Variants in DACT2 observed in about 807,000 individuals in gnomAD.
DACT2 encodes dishevelled binding antagonist of beta catenin 2, also known as dapper homolog 2.
Under a neutral mutation model 22.2 loss-of-function variants are expected in DACT2, and 20 were observed. The observed-to-expected ratio is 0.90, with a 90% CI of 0.63 to 1.31. The LOEUF is 1.31. Ranked by LOEUF, DACT2 falls within the 50% of genes most tolerant of loss-of-function variation. The pLI is 0.00. For missense variants in DACT2, 1,048 were observed against 1,061.4 expected, an observed-to-expected ratio of 0.99 and a Z score of 0.18; for synonymous variants, 463 against 479.8, an observed-to-expected ratio of 0.96 and a Z score of 0.46.
chr6:168,312,097 CA>C (rs1026400911), intron 1 of DACT2, among the ~76,000 whole-genome samples: 95 of 152,340 alleles, frequency 6.2e-4, no homozygotes, highest in African/African-American at 2.2e-3. Context: ...TGAACTGTTA[CA>C]GGCTTCGGCA....
intron 1 of DACT2, among the ~76,000 whole-genome samples, chr6:168,312,972 G>GCAGACCTCCTCCTCCAGGAC (rs1407163253): frequency 1.3e-5 from 2 of 152,234 alleles, no homozygotes; most frequent in Admixed American, 1.3e-4. Flanking sequence ...TGTGCCAGGA[G>GCAGACCTCCTCCTCCAGGAC]CAGACCTCCT....
At chr6:168,294,685 A>T in exon 4 of DACT2, 1 of 1,499,128 alleles carries the variant, frequency 6.7e-7, no homozygotes, top group South Asian at 1.3e-5. Context: ...TGTCAAGTTC[A>T]CCTGGAGCAT....
chr6:168,311,528 ACACACACCCATC>A (rs1280746334), intron 1 of DACT2, among the ~76,000 whole-genome samples: 9 of 150,910 alleles, frequency 6.0e-5, no homozygotes, highest in Non-Finnish European at 1.2e-4. Context: ...ACAAACACAC[ACACACACCCATC>A]CACACACACA....
intron 3 of DACT2, among the ~76,000 whole-genome samples, chr6:168,309,608 T>C (rs1013434369): frequency 2.0e-5 from 3 of 152,178 alleles, no homozygotes; most frequent in African/African-American, 7.2e-5. Context: ...CCCGCAGCAG[T>C]GGGATGGAGC....
At position 168,309,077 on chromosome 6, in the gene DACT2, G is replaced by C. The variant is rs1348621267; in HGVS notation, c.680C>G (p.Pro227Arg). The C allele has an allele frequency of 1.3e-6, 2 of 1,533,202 alleles. No individual in the cohort carries two copies. The highest frequency in any genetic ancestry group is 1.8e-6 in the Non-Finnish European group (2 of 1,142,588). 95.0% of individuals were successfully genotyped at this position (1,533,202 alleles called of 1,614,324 possible). The change falls in exon 4 of 4, where the codon CCG (proline) becomes CGG (arginine). Residue 227 changes from proline (P) to arginine (R), a missense_variant. By Grantham distance (103) the Pro-to-Arg change is moderately radical (BLOSUM62 -2). Transcript: ENST00000366795. ...VSTGDLDRAL[P>R]ADTGLQKASA... is the part of the protein sequence containing the mutation. ...GGCTTTCTGGAGCCCCGTGTCCGCC[G>C]GCAGGGCTCTGTCAAGATCACCTGG...
At chr6:168,306,498 A>G (rs1336408412), downstream of DACT2, among the ~76,000 whole-genome samples, 2 of 151,082 alleles carry the variant, frequency 1.3e-5, no homozygotes, top group African/African-American at 4.9e-5. Flanking sequence ...GCTGGAGTGC[A>G]GTGGCGCAAT....
In DACT2 at chr6:168,307,742, G is replaced by A. The variant is rs767318896; in HGVS notation, c.2015C>T (p.Pro672Leu). 49 of 1,548,660 alleles carry A rather than the reference G, an allele frequency of 3.2e-5. No individual in the cohort carries two copies. The South Asian group carries it at 3.8e-4, about 12-fold the overall frequency. Residue 672 changes from proline (P) to leucine (L), a missense_variant, in exon 4 of 4, where the codon CCG becomes CTG. By Grantham distance (98) the Pro-to-Leu change is moderately conservative (BLOSUM62 -3). Transcript: ENST00000366795. This position sits in a 1 kb window ranked among gnomAD's most constrained non-coding sequence, Gnocchi z 5.3. ...EPSKHSAECD[P>L]RFPSVIPETS... is the part of the protein sequence containing the mutation. ...CTCCGGGATGACTGACGGGAACCGC[G>A]GGTCACACTCGGCCGAGTGCTTGGA...
Position 168,308,185 on chromosome 6 carries a change from G to A in DACT2, c.1572C>T (p.Ala524=). ...PLLLLDRPEG[A]HAAPQPSLEW... is the part of the protein sequence containing the mutation. ...CCAGGGATGGCTGGGGGGCTGCATG[G>A]GCTCCCTCAGGCCTGTCCAGTAGAA... The change falls in exon 4 of 4, where the codon GCC becomes GCT. Residue 524 remains alanine, a synonymous_variant. Coordinates refer to ENST00000366795, the MANE Select transcript of DACT2 (RefSeq NM_214462.5). 1.3e-6 allele frequency: 2 copies of A among 1,551,426 alleles called. No individual in the cohort carries two copies. The highest frequency in any genetic ancestry group is 1.7e-6 in the Non-Finnish European group (2 of 1,147,026).
downstream of DACT2, among the ~76,000 whole-genome samples, chr6:168,304,557 G>A (rs967039): frequency 0.098 from 14,905 of 152,280 alleles, 901 homozygotes; most frequent in East Asian, 0.15. Context: ...TCCTGGTGGT[G>A]CCTGGGCGAT....
chr6:168,319,025 C>T (rs925312115), intron 1 of DACT2, among the ~76,000 whole-genome samples: 1 of 152,252 alleles, frequency 6.6e-6, no homozygotes, highest in East Asian at 1.9e-4. Context: ...GCCAGGGGAA[C>T]GCCGGTCAGT....
downstream of DACT2, among the ~76,000 whole-genome samples, chr6:168,304,578 G>C (rs752316630): frequency 1.3e-5 from 2 of 152,232 alleles, no homozygotes; most frequent in Non-Finnish European, 2.9e-5. Context: ...GTTTGCAGAT[G>C]GGTCAGGGAG....
intron 1 of DACT2, among the ~76,000 whole-genome samples, chr6:168,319,149 G>A (rs553038066): frequency 6.6e-6 from 1 of 152,180 alleles, no homozygotes; most frequent in African/African-American, 2.4e-5. Flanking sequence ...GGCGGAGCGC[G>A]GGCTGCAGCC....
intron 1 of DACT2, among the ~76,000 whole-genome samples, chr6:168,315,181 G>A (rs1221273754): frequency 6.6e-6 from 1 of 152,166 alleles, no homozygotes; most frequent in Admixed American, 6.5e-5. Flanking sequence ...GTCAAGACGG[G>A]GAAATTCTTC....
Position 168,308,381 on chromosome 6 carries a change from T to C in DACT2, c.1376A>G (p.Asn459Ser). 1 of 1,551,860 alleles carries C rather than the reference T, an allele frequency of 6.4e-7. No homozygotes were observed. The highest frequency in any genetic ancestry group is 2.0e-5 in the Admixed American group (1 of 51,012). Reference sequence around the variant, plus strand: ...CAGCATCCTGGATGGGGATATGATGTTGCCTCGTCCATAGTCCTGAGCTGA... The same window carrying C: ...CAGCATCCTGGATGGGGATATGATGCTGCCTCGTCCATAGTCCTGAGCTGA... ...TPSAQDYGRG[N>S]IISPSRMLDK... The change falls in exon 4 of 4, where the codon AAC becomes AGC. Residue 459 changes from asparagine (N) to serine (S), a missense_variant. Asn to Ser is a conservative substitution (Grantham distance 46, BLOSUM62 1). Coordinates refer to ENST00000366795, the MANE Select transcript of DACT2 (RefSeq NM_214462.5).
chr6:168,310,093 T>G lies in DACT2; in HGVS notation c.658+75A>C, dbSNP rs568879088. 357 of 1,519,240 alleles carry G rather than the reference T, an allele frequency of 2.3e-4. 1 individual carries two copies. The African/African-American group carries it at 3.6e-3, about 15-fold the overall frequency. 94.1% of individuals were successfully genotyped at this position (1,519,240 alleles called of 1,614,324 possible). ...CCGTGTAGGGTCCCCGGCTCTGCCCTCAGCAGCTGGGGACTGCACTCTGCC... is the reference window on the plus strand; with the variant it reads ...CCGTGTAGGGTCCCCGGCTCTGCCCGCAGCAGCTGGGGACTGCACTCTGCC... On this transcript the variant is annotated intron_variant, in intron 3 of 3. Coordinates refer to ENST00000366795, the MANE Select transcript of DACT2 (RefSeq NM_214462.5).
intron 4 of DACT2, chr6:168,294,611 AAAG>A (rs1310920701): frequency 1.7e-6 from 2 of 1,204,050 alleles, no homozygotes; most frequent in Non-Finnish European, 2.2e-6. Context: ...ATACACATAT[AAAG>A]AAGAACATCC....
chr6:168,311,594 A>ACCCACC (rs1562498558), intron 1 of DACT2, among the ~76,000 whole-genome samples: 3 of 65,558 alleles, frequency 4.6e-5, no homozygotes, highest in East Asian at 9.8e-4. Context: ...CCACACACAC[A>ACCCACC]CATACACACA....
Position 168,293,907 on chromosome 6 carries a change from G to T in DACT2, c.830C>A (p.Ser277Ter). Reference sequence around the variant, plus strand: ...TGTAGTGCTCTGTCATTGCTGTCTTGAAATTCCTGATGATTTTGTCTTTGA... The same window carrying T: ...TGTAGTGCTCTGTCATTGCTGTCTTTAAATTCCTGATGATTTTGTCTTTGA... Residue 277 changes from serine to a stop codon, truncating the protein, a stop_gained, in exon 6 of 6, where the codon TCA becomes TAA. Transcript: ENST00000366796. LOFTEE classifies it high-confidence loss of function. 1.4e-6 allele frequency: 1 copy of T among 703,406 alleles called. No individual in the cohort carries two copies. 43.6% of individuals were successfully genotyped at this position (703,406 alleles called of 1,614,324 possible).
At chr6:168,298,099 T>A (rs970957376) in intron 3 of DACT2, 1 of 152,194 alleles carries the variant, frequency 6.6e-6, no homozygotes, top group African/African-American at 2.4e-5. Context: ...ATTCAAAGCA[T>A]GAAAATGTAA....
Sources: gnomAD v4.1 joint callset for allele counts (sites outside exome capture counted in the v4.1 genomes callset) on GRCh38, gnomAD v4.1.1 for gene constraint, Gnocchi (gnomAD v3.1) non-coding constraint, MANE v1.5 for transcripts, NCBI Gene and HGNC (gene_info 2026-07-23, HGNC 2026-07-21) for gene names.